Variants in DST observed in about 807,000 individuals in gnomAD.
DST encodes dystonin, also known as bullous pemphigoid antigen.
Under a neutral mutation model 875.2 loss-of-function variants are expected in DST, and 253 were observed. The ratio of observed to expected loss-of-function variants is 0.29; its 90% CI spans 0.26 to 0.32. DST has a LOEUF of 0.32. Ranked by LOEUF, DST falls within the 10% of genes least tolerant of loss-of-function variation. DST has a pLI of 1.00. For missense variants in DST, 8,287 were observed against 9,111.6 expected, an observed-to-expected ratio of 0.91 and a Z score of 3.68; for synonymous variants, 3,124 against 3,197.1, an observed-to-expected ratio of 0.98 and a Z score of 0.77.
At chr6:56,884,127 T>TGAGG (rs1166241271) in intron 3 of DST, among the ~76,000 whole-genome samples, 7 of 149,986 alleles carry the variant, frequency 4.7e-5, no homozygotes, top group Admixed American at 6.6e-5. Context: ...TGAGAACTTA[T>TGAGG]CTCAAAAAAA....
At chr6:56,592,140 A>G (rs1227575713) in intron 49 of DST, 42 bp downstream of exon 49, 3 of 1,572,982 alleles carry the variant, frequency 1.9e-6, no homozygotes, top group Non-Finnish European at 1.7e-6. Context: ...GAAGCCTTTC[A>G]GTAAGACTAC....
At position 56,653,261 on chromosome 6, in the gene DST, G is replaced by A. The variant is rs368415620; in HGVS notation, c.1215-2017C>T. 3.3e-4 allele frequency among the ~76,000 whole-genome samples: 50 copies of A among 152,324 alleles called. No homozygotes were observed. In the East Asian group the frequency reaches 6.6e-3, roughly 20 times the overall value. ...AGCAGCTGTAGAATACAATGAGTCT[G>A]AGTAAGTCATCTCTTTTATCATGAT... On this transcript the variant is annotated intron_variant, in intron 10 of 103. Transcript: ENST00000680361.
intron 50 of DST, 97 bp downstream of exon 50, chr6:56,578,717 C>G: frequency 7.9e-7 from 1 of 1,273,376 alleles, no homozygotes; most frequent in Non-Finnish European, 1.1e-6. Flanking sequence ...ACATAGAACA[C>G]AATCTATAAC....
chr6:56,812,739 A>T (rs897786375), intron 4 of DST, among the ~76,000 whole-genome samples: 2 of 152,218 alleles, frequency 1.3e-5, no homozygotes, highest in African/African-American at 4.8e-5. Context: ...CATTTAATTT[A>T]AAATGTCCAC....
chr6:56,803,526 ATATAAT>A (rs2099749728), intron 4 of DST, among the ~76,000 whole-genome samples: 1 of 152,114 alleles, frequency 6.6e-6, no homozygotes, highest in East Asian at 1.9e-4. Flanking sequence ...TTTTCTTTTG[ATATAAT>A]TATCAAACTT....
chr6:56,695,869 A>T (rs1000088055), intron 9 of DST, among the ~76,000 whole-genome samples: 1 of 152,240 alleles, frequency 6.6e-6, no homozygotes, highest in African/African-American at 2.4e-5. Context: ...TGTAAAGTAT[A>T]GAGAAAAAGG....
chr6:56,827,004 T>TA (rs1325640744), intron 4 of DST, among the ~76,000 whole-genome samples: 1 of 152,126 alleles, frequency 6.6e-6, no homozygotes, highest in South Asian at 2.1e-4. Flanking sequence ...TTTCTAACTT[T>TA]AAAAAAACTA....
chr6:56,698,329 AT>A (rs70989725), intron 9 of DST, among the ~76,000 whole-genome samples: 2,954 of 144,098 alleles, frequency 0.02, 57 homozygotes, highest in African/African-American at 0.055. Flanking sequence ...AAAAAAAAAA[AT>A]TTTTTTTTTT....
intron 60 of DST, 99 bp downstream of exon 60, chr6:56,555,246 G>T: frequency 7.5e-7 from 1 of 1,325,100 alleles, no homozygotes; most frequent in Non-Finnish European, 1.0e-6. Flanking sequence ...GTGGGGCAGA[G>T]TCTCTTTGGG....
chr6:56,947,497 C>T (rs766697999), intron 2 of DST, among the ~76,000 whole-genome samples: 4 of 152,172 alleles, frequency 2.6e-5, no homozygotes, highest in Non-Finnish European at 5.9e-5. Flanking sequence ...ATTCACCCAC[C>T]TCAGCCTCCC....
intron 4 of DST, among the ~76,000 whole-genome samples, chr6:56,767,549 G>A (rs1272265884): frequency 3.3e-5 from 5 of 151,898 alleles, no homozygotes; most frequent in Admixed American, 1.3e-4. Context: ...CCCAAGAGGC[G>A]GAAGTTGCAG....
intron 47 of DST, among the ~76,000 whole-genome samples, chr6:56,595,316 T>A (rs867396493): frequency 6.6e-6 from 1 of 151,884 alleles, no homozygotes; most frequent in Non-Finnish European, 1.5e-5. Flanking sequence ...ATTGCACCCA[T>A]CTCCATTGAG....
chr6:56,814,042 T>C (rs554539973), intron 4 of DST, among the ~76,000 whole-genome samples: 2 of 152,300 alleles, frequency 1.3e-5, no homozygotes, highest in African/African-American at 4.8e-5. Flanking sequence ...CTATACATGC[T>C]TTTTGTATTA....
At chr6:56,837,064 C>T (rs1377109021) in intron 4 of DST, among the ~76,000 whole-genome samples, 1 of 152,004 alleles carries the variant, frequency 6.6e-6, no homozygotes, top group African/African-American at 2.4e-5. Context: ...AGAGGATTCA[C>T]AACAAACAGA....
At chr6:56,594,836 A>C (rs1009857008) in intron 47 of DST, among the ~76,000 whole-genome samples, 1 of 152,214 alleles carries the variant, frequency 6.6e-6, no homozygotes, top group Non-Finnish European at 1.5e-5. Flanking sequence ...GTTGCTGTTA[A>C]GGAGTACATG....
chr6:56,945,639 G>T (rs760297592), intron 2 of DST: 1 of 151,998 alleles, frequency 6.6e-6, no homozygotes, highest in Admixed American at 6.6e-5. Flanking sequence ...CATGATATGG[G>T]GATAAACTAA....
intron 36 of DST, chr6:56,619,278 T>C (rs1422173936): frequency 1.2e-6 from 2 of 1,612,972 alleles, no homozygotes; most frequent in Admixed American, 3.3e-5. Flanking sequence ...ATTAATTTGG[T>C]TTCATTATTC....
intron 55 of DST, among the ~76,000 whole-genome samples, 162 bp from the exon 56 acceptor site, chr6:56,562,362 CCT>C (rs1401545097): frequency 2.0e-5 from 3 of 151,934 alleles, no homozygotes; most frequent in African/African-American, 2.4e-5. Context: ...CAAACAATAT[CCT>C]CTCTTCTATG....
intron 4 of DST, among the ~76,000 whole-genome samples, chr6:56,798,500 A>C (rs1247077477): frequency 2.6e-5 from 4 of 152,224 alleles, no homozygotes; most frequent in African/African-American, 9.7e-5. Flanking sequence ...AGAAAAAAAA[A>C]GATTTATTTC....
Sources: allele counts gnomAD v4.1 joint callset (sites outside exome capture counted in the v4.1 genomes callset), GRCh38; gene constraint gnomAD v4.1.1; transcripts MANE v1.5; gene names NCBI Gene and HGNC (gene_info 2026-07-23, HGNC 2026-07-21).